Variants in ESPN observed in about 807,000 individuals in gnomAD.
ESPN encodes the protein espin, also known as autosomal recessive deafness type 36 protein.
Under a neutral mutation model 77.7 loss-of-function variants are expected in ESPN, and 68 were observed. That is an observed-to-expected ratio of 0.87 (90% CI 0.72 to 1.07). The LOEUF (loss-of-function observed/expected upper bound fraction) is 1.07. Ranked by LOEUF, ESPN falls within the 50% of genes least tolerant of loss-of-function variation. The probability of loss-of-function intolerance (pLI) is 0.00; values close to 1 mark genes in which losing one functional copy is unlikely to be tolerated. For missense variants in ESPN, 1,060 were observed against 1,239.0 expected, an observed-to-expected ratio of 0.86 and a Z score of 2.17; for synonymous variants, 449 against 567.1, an observed-to-expected ratio of 0.79 and a Z score of 2.96.
At position 6,441,963 on chromosome 1, in the gene ESPN, C is replaced by T. The variant is rs144811352; in HGVS notation, c.990+898C>T. Reference sequence around the variant, plus strand: ...GGGGGCCTGAGGATGAACTTCCCCCCGCGAAAGAGTCTCTGGAAGAGAATG... The same window carrying T: ...GGGGGCCTGAGGATGAACTTCCCCCTGCGAAAGAGTCTCTGGAAGAGAATG... On this transcript the variant is annotated intron_variant, in intron 5 of 12. Coordinates refer to ENST00000645284, the MANE Select transcript of ESPN (RefSeq NM_031475.3). Among the ~76,000 whole-genome samples the T allele has an allele frequency of 7.4e-3, 1,128 of 152,300 alleles. 15 individuals are homozygous for T. Among genetic ancestry groups the T allele is most frequent in the African/African-American group, 0.026 (1,067 of 41,550 alleles).
chr1:6,436,270 C>T (rs1319064270), intron 2 of ESPN, among the ~76,000 whole-genome samples: 1 of 152,102 alleles, frequency 6.6e-6, no homozygotes. Flanking sequence ...GTGATCTTAG[C>T]TCTCTGTGCC....
intron 2 of ESPN, among the ~76,000 whole-genome samples, chr1:6,436,402 G>A (rs537249505): frequency 1.3e-5 from 2 of 152,108 alleles, no homozygotes; most frequent in Non-Finnish European, 2.9e-5. Flanking sequence ...TAATCATTCA[G>A]TAAATGGTGG....
In ESPN at chr1:6,424,805, C is replaced by G. The variant is rs1029621000; in HGVS notation, c.-151C>G. On this transcript the variant is annotated 5_prime_UTR_variant, in exon 1 of 13. Coordinates refer to ENST00000645284, the MANE Select transcript of ESPN (RefSeq NM_031475.3). ...CGCGGCGGAGCGGAGCGCCAGGCAG[C>G]GCGGAGCGGAGGCCAGGCCCACAGC... The G allele has an allele frequency of 5.2e-5, 41 of 783,656 alleles. No individual in the cohort carries two copies. Among genetic ancestry groups the G allele is most frequent in the Non-Finnish European group, 6.7e-5 (39 of 584,076 alleles). 48.5% of individuals were successfully genotyped at this position (783,656 alleles called of 1,614,324 possible). A position where few individuals can be genotyped will look rare whatever the true frequency, so the allele number is the denominator to read the frequency against.
At chr1:6,457,417 A>G in intron 12 of ESPN, 45 bp downstream of exon 12, 1 of 1,614,054 alleles carries the variant, frequency 6.2e-7, no homozygotes. Flanking sequence ...ATCCCCACCC[A>G]AGTCGCAGAG....
chr1:6,456,334 A>G (rs1644057665), intron 10 of ESPN: 1 of 386,736 alleles, frequency 2.6e-6, no homozygotes, highest in Non-Finnish European at 4.6e-6. Flanking sequence ...AGGGCCCAGG[A>G]CCAGGCTGCC....
In ESPN at chr1:6,451,273, T is replaced by C; in HGVS notation, c.1916-330T>C. 2.4e-6 allele frequency: 1 copy of C among 417,970 alleles called. No individual in the cohort carries two copies. The highest frequency in any genetic ancestry group is 2.2e-5 in the South Asian group (1 of 46,228). The allele number at this position is 417,970 out of a possible 1,614,324, so 25.9% of individuals were successfully genotyped here. A position where few individuals can be genotyped will look rare whatever the true frequency, so the allele number is the denominator to read the frequency against. On this transcript the variant is annotated intron_variant, in intron 8 of 12. Coordinates refer to ENST00000645284, the MANE Select transcript of ESPN (RefSeq NM_031475.3). The surrounding 1 kb of genome is among the most constrained non-coding windows in gnomAD (Gnocchi z 4.3). Reference sequence around the variant, plus strand: ...CAAAGGTCAGGTGGCTGATTCCAGGTAGTGTTTTGGAGCTGGGCAGTCAGT... The same window carrying C: ...CAAAGGTCAGGTGGCTGATTCCAGGCAGTGTTTTGGAGCTGGGCAGTCAGT...
chr1:6,451,585 TCTC>T lies in ESPN; in HGVS notation c.1916-15_1916-13del. 1 of 1,610,880 alleles carries T rather than the reference TCTC, an allele frequency of 6.2e-7. No homozygotes were observed. On this transcript the variant is annotated splice_polypyrimidine_tract_variant and intron_variant, in intron 8 of 12. Coordinates refer to ENST00000645284, the MANE Select transcript of ESPN (RefSeq NM_031475.3). This position sits in a 1 kb window ranked among gnomAD's most constrained non-coding sequence, Gnocchi z 4.3. ...CAGCCCCACCCTGGCCAGTGCCTCA[TCTC>T]CTGCCTCCGCATAGGCACCAAGTCT...
Position 6,447,803 on chromosome 1 carries a change from C to T in ESPN, c.1465-838C>T, listed in dbSNP as rs754485788. On this transcript the variant is annotated intron_variant, in intron 7 of 12. Coordinates refer to ENST00000645284, the MANE Select transcript of ESPN (RefSeq NM_031475.3). This position sits in a 1 kb window ranked among gnomAD's most constrained non-coding sequence, Gnocchi z 5.2. Reference sequence around the variant, plus strand: ...GCCCACAGTCAGCCCTCTCCCCTCTCGGGCGGGGATGAAGGTGGGGGCTCA... The same window carrying T: ...GCCCACAGTCAGCCCTCTCCCCTCTTGGGCGGGGATGAAGGTGGGGGCTCA... 2.2e-4 allele frequency among the ~76,000 whole-genome samples: 33 copies of T among 152,250 alleles called. No individual in the cohort carries two copies. Among genetic ancestry groups the T allele is most frequent in the African/African-American group, 7.7e-4 (32 of 41,558 alleles).
intron 5 of ESPN, among the ~76,000 whole-genome samples, chr1:6,444,125 G>T (rs11121875): frequency 6.6e-6 from 1 of 152,166 alleles, no homozygotes; most frequent in South Asian, 2.1e-4. Context: ...TGTGCTGTGC[G>T]CCTCCCCATG....
intron 6 of ESPN, among the ~76,000 whole-genome samples, chr1:6,444,971 C>T (rs1383139138): frequency 1.3e-5 from 2 of 152,196 alleles, no homozygotes; most frequent in Admixed American, 1.3e-4. Context: ...CATACAAAAG[C>T]ACACACTTGT....
intron 12 of ESPN, among the ~76,000 whole-genome samples, chr1:6,458,362 CTGGAGTACAGT>C (rs1423214012): frequency 6.7e-6 from 1 of 148,772 alleles, no homozygotes; most frequent in African/African-American, 2.5e-5. Flanking sequence ...GTTGTCCAGG[CTGGAGTACAGT>C]GGCACAATCT....
intron 10 of ESPN, among the ~76,000 whole-genome samples, chr1:6,452,883 T>A (rs1002537161): frequency 1.2e-4 from 17 of 147,512 alleles, no homozygotes; most frequent in African/African-American, 4.6e-4. Flanking sequence ...ATTCCCCAAA[T>A]GCCATTTATT....
chr1:6,429,453 C>T (rs1379214505), intron 2 of ESPN, among the ~76,000 whole-genome samples: 1 of 152,052 alleles, frequency 6.6e-6, no homozygotes, highest in African/African-American at 2.4e-5. Flanking sequence ...GGAGGCTGTC[C>T]CAGATTCCTG....
chr1:6,431,914 G>C (rs1373198402), intron 2 of ESPN, among the ~76,000 whole-genome samples: 1 of 152,198 alleles, frequency 6.6e-6, no homozygotes, highest in Non-Finnish European at 1.5e-5. Flanking sequence ...CTGCCTCGTG[G>C]AGCTGACAGG....
chr1:6,445,953 C>A lies in ESPN; in HGVS notation c.1464+18C>A, dbSNP rs201919218. 6,134 of 1,611,842 alleles carry A rather than the reference C, an allele frequency of 3.8e-3. 23 individuals carry two copies. The highest frequency in any genetic ancestry group is 0.015 in the African/African-American group (1,135 of 74,948). ...AGAAGGAGGTAGTGAGCCCTCACCCCCTGCCTGCCTCCCAGCAGGGGGACT... is the reference window on the plus strand; with the variant it reads ...AGAAGGAGGTAGTGAGCCCTCACCCACTGCCTGCCTCCCAGCAGGGGGACT... On this transcript the variant is annotated intron_variant, in intron 7 of 12. Coordinates refer to ENST00000645284, the MANE Select transcript of ESPN (RefSeq NM_031475.3).
At chr1:6,454,952 C>A (rs1316000439) in intron 10 of ESPN, 6 of 383,010 alleles carry the variant, frequency 1.6e-5, no homozygotes, top group Non-Finnish European at 2.8e-5. Flanking sequence ...GCGGCGTCTC[C>A]GTGCAGCATC....
rs893395478 is a variant in ESPN, at chr1:6,447,699, G to C, written c.1465-942G>C. ...GGGTGTCGGTGTCGCTTTCGTGGATGGCGATGGTTTCCAGATGCAGGAGGG... is the reference window on the plus strand; with the variant it reads ...GGGTGTCGGTGTCGCTTTCGTGGATCGCGATGGTTTCCAGATGCAGGAGGG... On this transcript the variant is annotated intron_variant, in intron 7 of 12. Transcript: ENST00000645284. The surrounding 1 kb of genome is among the most constrained non-coding windows in gnomAD (Gnocchi z 5.2). 1.3e-5 allele frequency among the ~76,000 whole-genome samples: 2 copies of C among 152,160 alleles called. No individual in the cohort carries two copies. The highest frequency in any genetic ancestry group is 2.9e-5 in the Non-Finnish European group (2 of 68,022).
At chr1:6,443,291 A>G (rs1328870631) in intron 5 of ESPN, 2 of 152,392 alleles carry the variant, frequency 1.3e-5, no homozygotes, top group Middle Eastern at 3.4e-3. Context: ...CACAAAAAGC[A>G]TAGGTGACTC....
chr1:6,434,025 C>T (rs909496766), intron 2 of ESPN, among the ~76,000 whole-genome samples: 2 of 152,200 alleles, frequency 1.3e-5, no homozygotes, highest in Non-Finnish European at 2.9e-5. Flanking sequence ...CTTAGCCTAC[C>T]GAGTAGCTGG....
Sources: allele counts gnomAD v4.1 joint callset (sites outside exome capture counted in the v4.1 genomes callset), GRCh38; gene constraint gnomAD v4.1.1; non-coding constraint Gnocchi (gnomAD v3.1); transcripts MANE v1.5; gene names NCBI Gene and HGNC (gene_info 2026-07-23, HGNC 2026-07-21).